The following ANKRD31 variants were observed in gnomAD, a reference collection of about 807,000 sequenced individuals.
ANKRD31 encodes ankyrin repeat domain 31, also known as ankyrin repeat domain-containing protein 31.
ANKRD31 carries 147 observed loss-of-function variants against 186.0 expected under a neutral mutation model. The ratio of observed to expected loss-of-function variants is 0.79; its 90% CI spans 0.69 to 0.91. The LOEUF is 0.91. Among genes scored for constraint, ANKRD31 ranks in the 40% least tolerant of loss-of-function variants. The pLI, the probability that ANKRD31 is intolerant of heterozygous loss-of-function variation, is 0.00. For synonymous variants in ANKRD31, 673 were observed against 736.4 expected (o/e 0.91, Z 1.39); for missense variants, 1,986 against 2,148.8 (o/e 0.92, Z 1.50).
chr5:75,211,642 C>G (rs1756656852), intron 3 of ANKRD31, among the ~76,000 whole-genome samples: 1 of 152,204 alleles, frequency 6.6e-6, no homozygotes, highest in Non-Finnish European at 1.5e-5. Context: ...TCTCTACATT[C>G]TTGCCAACAC....
chr5:75,095,654 G>A (rs987128182), intron 22 of ANKRD31, among the ~76,000 whole-genome samples: 2 of 152,082 alleles, frequency 1.3e-5, no homozygotes. Flanking sequence ...AGAAATCTAG[G>A]TTATCAGATT....
At chr5:75,092,758 G>T (rs561073624) in intron 22 of ANKRD31, among the ~76,000 whole-genome samples, 17 of 152,254 alleles carry the variant, frequency 1.1e-4, no homozygotes, top group Admixed American at 7.2e-4. Flanking sequence ...AAGAGAAACT[G>T]CCTGTGAGAG....
chr5:75,218,885 CAT>C (rs1046632705), intron 3 of ANKRD31, among the ~76,000 whole-genome samples: 1 of 152,138 alleles, frequency 6.6e-6, no homozygotes, highest in Admixed American at 6.6e-5. Context: ...ACAAAAACCA[CAT>C]GATTATCCCA....
intron 3 of ANKRD31, among the ~76,000 whole-genome samples, chr5:75,219,909 A>T (rs1317505386): frequency 6.6e-6 from 1 of 152,210 alleles, no homozygotes; most frequent in Non-Finnish European, 1.5e-5. Context: ...TTATTCAATA[A>T]ATGGTGCTGG....
rs578071038 is a variant in ANKRD31 at position 75,143,840 on chromosome 5, G to A, written c.3595+161C>T. ...TATTTAAAGATTATTGGATTATCAA[G>A]TGATGCCTTAACAACAAATATTGCT... On this transcript the variant is annotated intron_variant, in intron 15 of 25. Coordinates refer to ENST00000506364, the MANE Select transcript of ANKRD31 (RefSeq NM_001372053.1). Among the ~76,000 whole-genome samples, 10 of 152,228 alleles carry A rather than the reference G, an allele frequency of 6.6e-5. No homozygotes were observed. In the East Asian group the frequency reaches 1.7e-3, roughly 26 times the overall value.
intron 22 of ANKRD31, among the ~76,000 whole-genome samples, chr5:75,096,624 C>T (rs1356581142): frequency 6.6e-6 from 1 of 151,970 alleles, no homozygotes; most frequent in Admixed American, 6.6e-5. Flanking sequence ...AGATTTTCTT[C>T]TAGGGTTTTT....
chr5:75,175,975 A>G (rs2077650875), intron 10 of ANKRD31, among the ~76,000 whole-genome samples: 1 of 152,080 alleles, frequency 6.6e-6, no homozygotes, highest in Non-Finnish European at 1.5e-5. Flanking sequence ...AGGGAATTCC[A>G]TTTCCTAGTC....
At chr5:75,161,344 G>A (rs1250181511) in intron 11 of ANKRD31, among the ~76,000 whole-genome samples, 1 of 152,024 alleles carries the variant, frequency 6.6e-6, no homozygotes, top group Non-Finnish European at 1.5e-5. Flanking sequence ...TTTTGCCCCT[G>A]CCCTAGAGAT....
chr5:75,214,897 T>C (rs1279735191), intron 3 of ANKRD31, among the ~76,000 whole-genome samples: 3 of 152,198 alleles, frequency 2.0e-5, no homozygotes, highest in African/African-American at 7.2e-5. Flanking sequence ...CCCACTGTAT[T>C]AGTCAGGATC....
intron 10 of ANKRD31, among the ~76,000 whole-genome samples, chr5:75,185,495 T>C (rs1754642950): frequency 6.6e-6 from 1 of 151,988 alleles, no homozygotes; most frequent in Non-Finnish European, 1.5e-5. Flanking sequence ...GATGCGGAGG[T>C]TGCAGTGAGC....
At chr5:75,102,913 A>G (rs1003601391) in intron 22 of ANKRD31, among the ~76,000 whole-genome samples, 1 of 152,044 alleles carries the variant, frequency 6.6e-6, no homozygotes, top group Non-Finnish European at 1.5e-5. Flanking sequence ...GTTTCGGCTC[A>G]CACTCTGTGG....
intron 12 of ANKRD31, among the ~76,000 whole-genome samples, chr5:75,153,985 C>G (rs995956650): frequency 3.3e-5 from 5 of 152,008 alleles, no homozygotes; most frequent in Admixed American, 1.3e-4. Flanking sequence ...AATGTACAAC[C>G]TGCAGAAAAG....
intron 20 of ANKRD31, among the ~76,000 whole-genome samples, chr5:75,110,830 C>T (rs930641774): frequency 6.8e-6 from 1 of 147,234 alleles, no homozygotes; most frequent in Admixed American, 6.7e-5. Context: ...TACACAAAGA[C>T]ACTAATGTGT....
chr5:75,157,118 A>G (rs1358371897), intron 11 of ANKRD31, among the ~76,000 whole-genome samples: 2 of 152,214 alleles, frequency 1.3e-5, no homozygotes, highest in African/African-American at 4.8e-5. Context: ...GGAGCATATT[A>G]GAGAGAACCT....
At chr5:75,169,525 C>T (rs1753168220) in intron 10 of ANKRD31, among the ~76,000 whole-genome samples, 1 of 152,164 alleles carries the variant, frequency 6.6e-6, no homozygotes, top group Admixed American at 6.5e-5. Context: ...GGCTGGACTA[C>T]ATATCACTCA....
chr5:75,092,985 G>C (rs1235030489), intron 22 of ANKRD31, among the ~76,000 whole-genome samples: 1 of 152,126 alleles, frequency 6.6e-6, no homozygotes, highest in Non-Finnish European at 1.5e-5. Flanking sequence ...ATTTACCAAA[G>C]AGGCTCAACA....
chr5:75,204,041 A>G (rs1755994627), intron 5 of ANKRD31, among the ~76,000 whole-genome samples: 1 of 152,200 alleles, frequency 6.6e-6, no homozygotes, highest in African/African-American at 2.4e-5. Context: ...TTAATGGTCA[A>G]TTTACTAAAC....
Position 75,089,843 on chromosome 5 carries a change from T to A in ANKRD31, c.5472+1418A>T, listed in dbSNP as rs142033553. ...AGTGTAACTCTAATTGACATGGCTA[T>A]GAGAAAATGCTAGAGTCAATGAGAT... On this transcript the variant is annotated intron_variant, in intron 23 of 25. Transcript: ENST00000506364. Among the ~76,000 whole-genome samples the A allele has an allele frequency of 5.8e-4, 89 of 152,326 alleles. 1 individual carries two copies. Among genetic ancestry groups the A allele is most frequent in the African/African-American group, 2.0e-3 (85 of 41,576 alleles).
At chr5:75,191,163 G>T (rs1312699995) in intron 9 of ANKRD31, among the ~76,000 whole-genome samples, 1 of 152,010 alleles carries the variant, frequency 6.6e-6, no homozygotes, top group Non-Finnish European at 1.5e-5. Context: ...TTAAATCTTT[G>T]ATCAATCTGA....
Sources: gnomAD v4.1 joint callset for allele counts (sites outside exome capture counted in the v4.1 genomes callset) on GRCh38, gnomAD v4.1.1 for gene constraint, MANE v1.5 for transcripts, NCBI Gene and HGNC (gene_info 2026-07-23, HGNC 2026-07-21) for gene names.